Variants in ZNF716 observed in about 807,000 individuals in gnomAD.
ZNF716 encodes zinc finger protein 716.
ZNF716 carries 9 observed loss-of-function variants against 13.4 expected under a neutral mutation model. That is an observed-to-expected ratio of 0.67 (90% confidence interval 0.41 to 1.18). The LOEUF (loss-of-function observed/expected upper bound fraction) is 1.18. Among genes scored for constraint, ZNF716 ranks in the 50% most tolerant of loss-of-function variants. The pLI is 0.01. For synonymous variants in ZNF716, 186 were observed against 195.2 expected, an observed-to-expected ratio of 0.95 and a Z score of 0.39; for missense variants, 581 against 576.6, an observed-to-expected ratio of 1.01 and a Z score of -0.08.
intron 3 of ZNF716, 79 bp downstream of exon 3, chr7:57,463,247 T>A (rs1489072163): frequency 1.3e-6 from 2 of 1,567,078 alleles, no homozygotes; most frequent in East Asian, 4.5e-5. Flanking sequence ...TAAAATGTGG[T>A]CTGGGGAGCT....
chr7:57,458,566 G>A (rs1480426945), intron 1 of ZNF716, among the ~76,000 whole-genome samples: 3 of 152,036 alleles, frequency 2.0e-5, no homozygotes, highest in Non-Finnish European at 2.9e-5. Context: ...GGGATTACAG[G>A]AGCCCACCAC....
intron 1 of ZNF716, among the ~76,000 whole-genome samples, chr7:57,457,535 G>C (rs552645206): frequency 6.6e-6 from 1 of 152,120 alleles, no homozygotes. Flanking sequence ...AATAGAGACA[G>C]GTTTCACAAT....
intron 3 of ZNF716, among the ~76,000 whole-genome samples, chr7:57,467,618 G>C (rs868922503): frequency 6.6e-6 from 1 of 151,808 alleles, no homozygotes; most frequent in Admixed American, 6.6e-5. Flanking sequence ...AATACCTCAC[G>C]TTTATCTTGC....
chr7:57,462,729 A>G, intron 2 of ZNF716, 143 bp downstream of exon 2: 1 of 1,039,990 alleles, frequency 9.6e-7, no homozygotes, highest in South Asian at 1.7e-5. Flanking sequence ...TATATAGCAA[A>G]TTCTTCAAGA....
chr7:57,458,029 T>C (rs1554322360), intron 1 of ZNF716, among the ~76,000 whole-genome samples: 1 of 152,252 alleles, frequency 6.6e-6, no homozygotes, highest in Non-Finnish European at 1.5e-5. Flanking sequence ...GGTCTTTATG[T>C]ACCACATTTT....
rs1789902667 is a variant in ZNF716 at position 57,470,157 on chromosome 7, G to C, written c.*208G>C. The C allele has an allele frequency of 6.2e-6, 3 of 485,976 alleles. No homozygotes were observed. Among genetic ancestry groups the C allele is most frequent in the Non-Finnish European group, 3.3e-6 (1 of 303,540 alleles). The allele number at this position is 485,976 out of a possible 1,614,324, so 30.1% of individuals were successfully genotyped here. On this transcript the variant is annotated 3_prime_UTR_variant, in exon 4 of 4. Coordinates refer to ENST00000420713, the MANE Select transcript of ZNF716 (RefSeq NM_001159279.1). ...ACCCCTCAAACCTTAATGAACCCAA[G>C]AGAATTTATTTAAAAAAATTTTTTT...
Position 57,472,999 on chromosome 7 carries a change from C to T in ZNF716, c.*3050C>T, listed in dbSNP as rs1388254130. On this transcript the variant is annotated 3_prime_UTR_variant, in exon 4 of 4. Transcript: ENST00000420713. ...TTATCCTTTGTATTACAAACAATCCCATTATACAGTTTTAGTTATTTCAAT... is the reference window on the plus strand; with the variant it reads ...TTATCCTTTGTATTACAAACAATCCTATTATACAGTTTTAGTTATTTCAAT... The T allele has an allele frequency of 1.3e-5, 2 of 152,066 alleles. No individual in the cohort carries two copies. The highest frequency in any genetic ancestry group is 2.9e-5 in the Non-Finnish European group (2 of 68,012). The allele number at this position is 152,066 out of a possible 1,614,324, so 9.4% of individuals were successfully genotyped here. A position where few individuals can be genotyped will look rare whatever the true frequency, so the allele number is the denominator to read the frequency against.
chr7:57,462,413 T>C (rs782674937), intron 1 of ZNF716, 47 bp from the exon 2 acceptor site: 2 of 1,590,718 alleles, frequency 1.3e-6, no homozygotes, highest in Non-Finnish European at 1.7e-6. Flanking sequence ...GGTAACTGTT[T>C]GTGTGTTCAT....
rs148481699 is a variant in ZNF716 at position 57,453,840 on chromosome 7, CTTA to C, written c.39+3516_39+3518del. ...AAAACCTGTGTTCTACATCCGTTGT[CTTA>C]TTTTTATTTTGGAGACCGAGTCTTT... On this transcript the variant is annotated intron_variant, in intron 1 of 3. Transcript: ENST00000420713. 0.011 allele frequency among the ~76,000 whole-genome samples: 1,663 copies of C among 152,190 alleles called. 156 individuals are homozygous for C. In the East Asian group the frequency reaches 0.24, roughly 22 times the overall value.
intron 1 of ZNF716, among the ~76,000 whole-genome samples, chr7:57,459,622 G>A (rs1179778679): frequency 1.3e-5 from 2 of 152,184 alleles, no homozygotes; most frequent in Admixed American, 1.3e-4. Context: ...GCAGGGCCAA[G>A]ATTACCAAGT....
At chr7:57,466,621 T>A (rs1431307787) in intron 3 of ZNF716, among the ~76,000 whole-genome samples, 2 of 152,186 alleles carry the variant, frequency 1.3e-5, no homozygotes, top group Non-Finnish European at 2.9e-5. Flanking sequence ...CAGAAGCAGA[T>A]GCTGGCATAT....
intron 1 of ZNF716, among the ~76,000 whole-genome samples, chr7:57,453,272 T>C (rs932775401): frequency 6.6e-6 from 1 of 152,272 alleles, no homozygotes. Flanking sequence ...CCTGGAGTGG[T>C]TGTCCTTGAG....
At position 57,454,849 on chromosome 7, in the gene ZNF716, C is replaced by G. The variant is rs148105475; in HGVS notation, c.39+4522C>G. 2.1e-3 allele frequency among the ~76,000 whole-genome samples: 313 copies of G among 151,944 alleles called. 7 individuals are homozygous for G. In the East Asian group the frequency reaches 0.054, roughly 26 times the overall value. On this transcript the variant is annotated intron_variant, in intron 1 of 3. Coordinates refer to ENST00000420713, the MANE Select transcript of ZNF716 (RefSeq NM_001159279.1). ...ACCATCCTAGCTAACACGGTGAAAC[C>G]CCATCTCTACTAAAAAATACAGAAA...
At chr7:57,460,179 A>T (rs1789681526) in intron 1 of ZNF716, among the ~76,000 whole-genome samples, 1 of 151,992 alleles carries the variant, frequency 6.6e-6, no homozygotes, top group Admixed American at 6.6e-5. Context: ...TGAGGTTTGG[A>T]GTTCGAGACG....
intron 1 of ZNF716, among the ~76,000 whole-genome samples, chr7:57,457,687 T>C (rs1258854565): frequency 2.6e-5 from 4 of 152,164 alleles, no homozygotes; most frequent in Admixed American, 1.3e-4. Context: ...CAGGAGTACA[T>C]GTGCAGGTTT....
intron 2 of ZNF716, 67 bp downstream of exon 2, chr7:57,462,653 T>C: frequency 6.7e-7 from 1 of 1,496,812 alleles, no homozygotes; most frequent in East Asian, 2.3e-5. Flanking sequence ...ATGATTTTGG[T>C]AATTTCTGCT....
chr7:57,462,932 A>C, intron 2 of ZNF716, 141 bp from the exon 3 acceptor site: 1 of 1,248,572 alleles, frequency 8.0e-7, no homozygotes, highest in Non-Finnish European at 1.1e-6. Flanking sequence ...AGTATTTTCT[A>C]AATAGCTACA....
At chr7:57,461,855 A>G (rs1429134322) in intron 1 of ZNF716, among the ~76,000 whole-genome samples, 1 of 152,206 alleles carries the variant, frequency 6.6e-6, no homozygotes, top group Non-Finnish European at 1.5e-5. Flanking sequence ...ACGTAAATAT[A>G]GCACTCAAAA....
chr7:57,466,135 T>C (rs1392373642), intron 3 of ZNF716, among the ~76,000 whole-genome samples: 1 of 152,002 alleles, frequency 6.6e-6, no homozygotes, highest in Non-Finnish European at 1.5e-5. Context: ...TGTATACATA[T>C]GTAACTAACC....
Sources: allele counts gnomAD v4.1 joint callset (sites outside exome capture counted in the v4.1 genomes callset), GRCh38; gene constraint gnomAD v4.1.1; transcripts MANE v1.5; gene names NCBI Gene and HGNC (gene_info 2026-07-23, HGNC 2026-07-21).